Variants in ATF7IP observed in about 807,000 individuals in gnomAD.
ATF7IP encodes activating transcription factor 7 interacting protein, also known as activating transcription factor 7-interacting protein 1.
Under a neutral mutation model 106.4 loss-of-function variants are expected in ATF7IP, and 23 were observed. That is an observed-to-expected ratio of 0.22 (90% CI 0.16 to 0.31). ATF7IP has a LOEUF of 0.31. Ranked by LOEUF, ATF7IP falls within the 10% of genes least tolerant of loss-of-function variation. The pLI is 1.00. For synonymous variants in ATF7IP, 542 were observed against 539.0 expected (o/e 1.01, Z -0.08); for missense variants, 1,334 against 1,524.3 (o/e 0.88, Z 2.08).
Position 14,460,615 on chromosome 12 carries a change from C to A in ATF7IP, c.2279C>A (p.Thr760Asn), listed in dbSNP as rs1943601622. The change falls in exon 9 of 15, where the codon ACT (threonine) becomes AAT (asparagine). Residue 760 changes from threonine (T) to asparagine (N), a missense_variant. This residue lies in a region of ATF7IP where 171 missense variants were observed against 172.6 expected (regional missense o/e 0.99). Coordinates refer to ENST00000261168, the MANE Select transcript of ATF7IP (RefSeq NM_018179.5). ...GTTCTTCCTGCACCCAATACAGCTACTGTAGTTGCTACTACTCAGGTGCCT... is the reference window on the plus strand; with the variant it reads ...GTTCTTCCTGCACCCAATACAGCTAATGTAGTTGCTACTACTCAGGTGCCT... Reference protein sequence around the residue: ...TSVLPAPNTATVVATTQVPSG... With the variant: ...TSVLPAPNTANVVATTQVPSG... 15 of 1,614,188 alleles carry A rather than the reference C, an allele frequency of 9.3e-6. No homozygotes were observed. The highest frequency in any genetic ancestry group is 1.3e-5 in the Non-Finnish European group (15 of 1,180,034).
chr12:14,496,599 T>G (rs554252087), intron 14 of ATF7IP, among the ~76,000 whole-genome samples: 1 of 152,352 alleles, frequency 6.6e-6, no homozygotes, highest in Non-Finnish European at 1.5e-5. Flanking sequence ...GTATATGAAG[T>G]GAAATATAGA....
chr12:14,485,807 A>G (rs561538379), intron 13 of ATF7IP, among the ~76,000 whole-genome samples: 84 of 152,328 alleles, frequency 5.5e-4, no homozygotes, highest in East Asian at 3.3e-3. Context: ...AGCAGCTGCA[A>G]TTAGAGTCAC....
chr12:14,379,379 A>G (rs563123388), intron 1 of ATF7IP, among the ~76,000 whole-genome samples: 1 of 152,312 alleles, frequency 6.6e-6, no homozygotes, highest in African/African-American at 2.4e-5. Context: ...TTGTGAGCCA[A>G]TTAAACTTCT....
intron 1 of ATF7IP, among the ~76,000 whole-genome samples, chr12:14,384,621 A>G (rs1244616135): frequency 6.6e-6 from 1 of 152,144 alleles, no homozygotes. Flanking sequence ...TTATTTTTAT[A>G]TCTATGGTAA....
chr12:14,484,989 G>C (rs558128622), intron 13 of ATF7IP, among the ~76,000 whole-genome samples: 132 of 152,186 alleles, frequency 8.7e-4, no homozygotes, highest in African/African-American at 3.2e-3. Context: ...CTCTCAAAAG[G>C]AGAGTAGTTA....
At chr12:14,370,523 G>T (rs1591749867) in intron 1 of ATF7IP, among the ~76,000 whole-genome samples, 1 of 151,568 alleles carries the variant, frequency 6.6e-6, no homozygotes, top group East Asian at 1.9e-4. Flanking sequence ...GGTTAATTAA[G>T]AAAAAAAAGC....
intron 6 of ATF7IP, among the ~76,000 whole-genome samples, chr12:14,449,123 A>G (rs1476692758): frequency 6.6e-6 from 1 of 151,992 alleles, no homozygotes; most frequent in Admixed American, 6.6e-5. Flanking sequence ...GTTTCCTTTC[A>G]TATACAGAAG....
intron 1 of ATF7IP, among the ~76,000 whole-genome samples, chr12:14,384,674 T>C (rs1939137510): frequency 6.6e-6 from 1 of 152,146 alleles, no homozygotes; most frequent in Non-Finnish European, 1.5e-5. Flanking sequence ...GATTCTGTTA[T>C]CAAGGTTCAA....
intron 2 of ATF7IP, among the ~76,000 whole-genome samples, chr12:14,426,168 T>G (rs972117114): frequency 1.3e-5 from 2 of 152,186 alleles, no homozygotes; most frequent in Non-Finnish European, 2.9e-5. Context: ...GTACATTAAC[T>G]TTATGATTTG....
chr12:14,410,587 G>T (rs1940858109), intron 1 of ATF7IP, among the ~76,000 whole-genome samples: 1 of 152,052 alleles, frequency 6.6e-6, no homozygotes, highest in Non-Finnish European at 1.5e-5. Context: ...TAAAATTTTT[G>T]ACTTAATAAA....
intron 1 of ATF7IP, among the ~76,000 whole-genome samples, chr12:14,370,826 C>T (rs755181493): frequency 3.3e-5 from 5 of 151,412 alleles, no homozygotes; most frequent in East Asian, 1.9e-4. Context: ...TGAAGTTAGA[C>T]GTGGGAAAAA....
At position 14,461,046 on chromosome 12, in the gene ATF7IP, C is replaced by T. The variant is rs1283765821; in HGVS notation, c.2710C>T (p.Arg904Ter). 2 of 1,613,984 alleles carry T rather than the reference C, an allele frequency of 1.2e-6. No individual in the cohort carries two copies. Among genetic ancestry groups the T allele is most frequent in the African/African-American group, 1.3e-5 (1 of 74,912 alleles). The change falls in exon 9 of 15, where the codon CGA (arginine) becomes TGA (stop). Residue 904 changes from arginine to a stop codon, truncating the protein, a stop_gained. Coordinates refer to ENST00000261168, the MANE Select transcript of ATF7IP (RefSeq NM_018179.5). LOFTEE classifies it high-confidence loss of function. Reference protein sequence around the residue: ...PSGLYSPSTNRGPIQMKIPIS... With the variant: ...PSGLYSPSTN The stretch of plus-strand genomic sequence containing the variant: ...AGGACTCTATAGTCCATCAACTAAT[C>T]GAGGTCCTATACAGATGAAAATTCC...
chr12:14,465,600 G>A (rs1217703256), intron 9 of ATF7IP, among the ~76,000 whole-genome samples: 1 of 152,012 alleles, frequency 6.6e-6, no homozygotes, highest in Non-Finnish European at 1.5e-5. Context: ...TAAGGTAGGA[G>A]AAATCAAAGG....
At chr12:14,388,569 A>G (rs1591773138) in intron 1 of ATF7IP, among the ~76,000 whole-genome samples, 1 of 150,582 alleles carries the variant, frequency 6.6e-6, no homozygotes, top group East Asian at 2.0e-4. Flanking sequence ...CTGGTCTTGA[A>G]CTCCTGACCT....
intron 1 of ATF7IP, among the ~76,000 whole-genome samples, chr12:14,403,799 A>G (rs1940396909): frequency 6.6e-6 from 1 of 151,826 alleles, no homozygotes; most frequent in Non-Finnish European, 1.5e-5. Flanking sequence ...TATTTTTTTT[A>G]ATTCTGGAGG....
intron 7 of ATF7IP, 59 bp from the exon 8 acceptor site, chr12:14,457,148 A>C (rs968015110): frequency 7.2e-7 from 1 of 1,385,024 alleles, no homozygotes; most frequent in Non-Finnish European, 1.0e-6. Context: ...TCTAGATATC[A>C]GTTGGTATTC....
intron 10 of ATF7IP, among the ~76,000 whole-genome samples, chr12:14,474,158 A>G (rs985970975): frequency 6.6e-6 from 1 of 151,790 alleles, no homozygotes; most frequent in Non-Finnish European, 1.5e-5. Flanking sequence ...CACAAGTTTC[A>G]GGCGTTTTTC....
In ATF7IP at chr12:14,498,623, C is replaced by A. The variant is rs1177926707; in HGVS notation, c.*550C>A. The A allele has an allele frequency of 6.6e-6, 1 of 152,670 alleles. No individual in the cohort carries two copies. The highest frequency in any genetic ancestry group is 1.9e-4 in the East Asian group (1 of 5,196). The allele number at this position is 152,670 out of a possible 1,614,324, so 9.5% of individuals were successfully genotyped here. A position where few individuals can be genotyped will look rare whatever the true frequency, so the allele number is the denominator to read the frequency against. On this transcript the variant is annotated 3_prime_UTR_variant, in exon 15 of 15. Transcript: ENST00000261168. The stretch of plus-strand genomic sequence containing the variant: ...CTATTTGTTGTTTCTTTTGTCTGGT[C>A]TCCTGAGTTGTTAATTAGGTGAAAA...
intron 1 of ATF7IP, among the ~76,000 whole-genome samples, chr12:14,392,329 G>A (rs2136438145): frequency 6.6e-6 from 1 of 152,144 alleles, no homozygotes. Context: ...TTAGGGAGAG[G>A]GCGTATTTAG....
Sources: allele counts gnomAD v4.1 joint callset (sites outside exome capture counted in the v4.1 genomes callset), GRCh38; gene constraint gnomAD v4.1.1; regional missense constraint gnomAD v4.1.1; transcripts MANE v1.5; gene names NCBI Gene and HGNC (gene_info 2026-07-23, HGNC 2026-07-21).